Variants in FGFR3 observed in about 807,000 individuals in gnomAD.
FGFR3 encodes FGFR-3.
Under a neutral mutation model 82.9 loss-of-function variants are expected in FGFR3, and 25 were observed. The ratio of observed to expected loss-of-function variants is 0.30; its 90% CI spans 0.22 to 0.42. FGFR3 has a LOEUF of 0.42. Ranked by LOEUF, FGFR3 falls within the 10% of genes least tolerant of loss-of-function variation. The pLI is 1.00. For synonymous variants in FGFR3, 620 were observed against 516.0 expected (o/e 1.20, Z -2.73); for missense variants, 1,026 against 1,161.0 (o/e 0.88, Z 1.69).
At chr4:1,796,614 T>C (rs1311541463) in intron 2 of FGFR3, among the ~76,000 whole-genome samples, 1 of 152,166 alleles carries the variant, frequency 6.6e-6, no homozygotes, top group Non-Finnish European at 1.5e-5. Context: ...CCCGAGGGGC[T>C]TATGATGGAG....
Position 1,807,115 on chromosome 4 carries a change from G to T in FGFR3, c.2275-1G>T, listed in dbSNP as rs2108816876. ...GCGCTCACCCCGCCTCCCGCCAGCA[G>T]GAGTACCTGGACCTGTCGGCGCCTT... On this transcript the variant is annotated splice_acceptor_variant, in intron 17 of 17. Coordinates refer to ENST00000440486, the MANE Select transcript of FGFR3 (RefSeq NM_000142.5). LOFTEE classifies it high-confidence loss of function. 6.3e-7 allele frequency: 1 copy of T among 1,579,206 alleles called. No individual in the cohort carries two copies. Among genetic ancestry groups the T allele is most frequent in the South Asian group, 1.2e-5 (1 of 86,742 alleles).
At chr4:1,800,639 C>T (rs1282404344) in intron 4 of FGFR3, among the ~76,000 whole-genome samples, 1 of 152,110 alleles carries the variant, frequency 6.6e-6, no homozygotes, top group Non-Finnish European at 1.5e-5. Flanking sequence ...GCTTGCTGGG[C>T]CTCAGTGCCC....
intron 1 of FGFR3, 30 bp downstream of exon 1, chr4:1,793,495 G>T (rs1169960150): frequency 6.7e-6 from 1 of 149,532 alleles, no homozygotes; most frequent in African/African-American, 2.4e-5. Context: ...CAGGCTCGCG[G>T]AGGGGTCCAA....
At chr4:1,796,257 C>G (rs775151176) in intron 2 of FGFR3, among the ~76,000 whole-genome samples, 1 of 152,088 alleles carries the variant, frequency 6.6e-6, no homozygotes, top group African/African-American at 2.4e-5. Flanking sequence ...CCAAGAGAAC[C>G]GATAATGGCA....
chr4:1,794,162 G>A (rs1476022803), intron 2 of FGFR3, 119 bp downstream of exon 2: 2 of 484,616 alleles, frequency 4.1e-6, no homozygotes, highest in Admixed American at 4.7e-5. Flanking sequence ...CGGGGTTAGA[G>A]CCCGGATTCC....
At chr4:1,798,218 G>T (rs1185194253) in intron 2 of FGFR3, among the ~76,000 whole-genome samples, 1 of 151,974 alleles carries the variant, frequency 6.6e-6, no homozygotes, top group Non-Finnish European at 1.5e-5. Flanking sequence ...CTGTGGGTGG[G>T]CCCCCACCCC....
intron 4 of FGFR3, 76 bp from the exon 5 acceptor site, chr4:1,801,291 C>T (rs1031066643): frequency 2.7e-6 from 4 of 1,482,584 alleles, no homozygotes; most frequent in Non-Finnish European, 3.6e-6. Flanking sequence ...GCAGGGGCAG[C>T]TCTGGGAAGG....
At position 1,805,779 on chromosome 4, in the gene FGFR3, G is replaced by C. The variant is rs768385286; in HGVS notation, c.1675G>C (p.Ala559Pro). The C allele has an allele frequency of 3.9e-5, 63 of 1,612,502 alleles. No homozygotes were observed. Among genetic ancestry groups the C allele is most frequent in the Non-Finnish European group, 4.2e-5 (50 of 1,179,860 alleles). Residue 559 changes from alanine to proline, a missense_variant, in exon 13 of 18, where the codon GCC becomes CCC. Ala to Pro is a conservative substitution (Grantham distance 27). Coordinates refer to ENST00000440486, the MANE Select transcript of FGFR3 (RefSeq NM_000142.5). ...GPLYVLVEYAAKGNLREFLRA... is the reference protein window; with the variant it reads ...GPLYVLVEYAPKGNLREFLRA... The stretch of plus-strand genomic sequence containing the variant: ...CCTGTACGTGCTGGTGGAGTACGCG[G>C]CCAAGGGTAACCTGCGGGAGTTTCT...
chr4:1,797,615 G>A (rs1305789203), intron 2 of FGFR3, among the ~76,000 whole-genome samples: 1 of 152,236 alleles, frequency 6.6e-6, no homozygotes, highest in Non-Finnish European at 1.5e-5. Context: ...TAACCAGCCT[G>A]TTCTCGGCCT....
chr4:1,803,205 G>A (rs1049713759), intron 7 of FGFR3: 1 of 1,054,108 alleles, frequency 9.5e-7, no homozygotes, highest in Non-Finnish European at 1.3e-6. Context: ...CGGCAAGGCT[G>A]GCAGCTCCAG....
At chr4:1,803,638 G>A (rs944554686) in intron 7 of FGFR3, 54 bp from the exon 8 acceptor site, 45 of 1,595,660 alleles carry the variant, frequency 2.8e-5, no homozygotes, top group Admixed American at 6.9e-5. Flanking sequence ...GACTCTGTGC[G>A]GTGCCCGCAG....
chr4:1,806,422 C>T (rs1721926911), intron 15 of FGFR3, 95 bp downstream of exon 15: 1 of 1,600,170 alleles, frequency 6.2e-7, no homozygotes, highest in South Asian at 1.1e-5. Flanking sequence ...TGCCCTGGAG[C>T]TCCTGGGTGT....
intron 4 of FGFR3, among the ~76,000 whole-genome samples, chr4:1,800,941 C>G (rs954174085): frequency 1.3e-5 from 2 of 152,188 alleles, no homozygotes; most frequent in African/African-American, 4.8e-5. Flanking sequence ...TGCTGCCCAG[C>G]TGCCTCCAAG....
intron 2 of FGFR3, among the ~76,000 whole-genome samples, chr4:1,795,053 C>T (rs1720315799): frequency 1.3e-5 from 2 of 151,620 alleles, no homozygotes; most frequent in African/African-American, 4.8e-5. Flanking sequence ...AGATGGCGTC[C>T]GCCCCGCCCG....
At chr4:1,801,768 G>T (rs1721213061) in intron 6 of FGFR3, 25 bp downstream of exon 6, 3 of 1,593,192 alleles carry the variant, frequency 1.9e-6, no homozygotes, top group Non-Finnish European at 1.7e-6. Context: ...GCGGCGCGGG[G>T]GTGGGGGCGG....
At chr4:1,797,319 T>C (rs1720629668) in intron 2 of FGFR3, among the ~76,000 whole-genome samples, 1 of 152,156 alleles carries the variant, frequency 6.6e-6, no homozygotes, top group South Asian at 2.1e-4. Flanking sequence ...CACACTGTCC[T>C]TCACCTGGTG....
At position 1,804,886 on chromosome 4, in the gene FGFR3, G is replaced by A. The variant is rs1174739036; in HGVS notation, c.1329G>A (p.Leu443=). The part of the protein sequence containing the change: ...SNTPLVRIAR[L]SSGEGPTLAN... ...CACCACTGGTGCGCATCGCAAGGCT[G>A]TCCTCAGGGGAGGGCCCCACGCTGG... The change falls in exon 10 of 18, where the codon CTG becomes CTA. Residue 443 remains leucine (L), a synonymous_variant. Transcript: ENST00000440486. 1.3e-6 allele frequency: 2 copies of A among 1,550,054 alleles called. No individual in the cohort carries two copies. The highest frequency in any genetic ancestry group is 1.7e-6 in the Non-Finnish European group (2 of 1,146,934).
rs1383277910 is a variant in FGFR3 at position 1,803,855 on chromosome 4, G to A, written c.1075+19G>A. 1.2e-6 allele frequency: 2 copies of A among 1,611,286 alleles called. No homozygotes were observed. The highest frequency in any genetic ancestry group is 3.3e-5 in the Admixed American group (2 of 60,028). On this transcript the variant is annotated intron_variant, in intron 8 of 17. Coordinates refer to ENST00000440486, the MANE Select transcript of FGFR3 (RefSeq NM_000142.5). The stretch of plus-strand genomic sequence containing the variant: ...CTGCCAGGTACCGGCTTCTGCTGCT[G>A]CTGCTGCTCCGCACTGTCTGGGGGA...
Position 1,807,414 on chromosome 4 carries a change from TGTGTGCACATCCGCGTGTGCCTGTGTGC to T in FGFR3, c.*156_*183del, listed in dbSNP as rs1334522168. The T allele has an allele frequency of 3.4e-6, 4 of 1,165,604 alleles. No homozygotes were observed. The highest frequency in any genetic ancestry group is 4.9e-6 in the Non-Finnish European group (4 of 810,096). 72.2% of individuals were successfully genotyped at this position (1,165,604 alleles called of 1,614,324 possible). ...GTGTGTGTGTGCGTGTGTGTGTGTG[TGTGTGCACATCCGCGTGTGCCTGTGTGC>T]GTGCGCATCTTGCCTCCAGGTGCAG... On this transcript the variant is annotated 3_prime_UTR_variant, in exon 18 of 18. Transcript: ENST00000440486.
Sources: gnomAD v4.1 joint callset for allele counts (sites outside exome capture counted in the v4.1 genomes callset) on GRCh38, gnomAD v4.1.1 for gene constraint, MANE v1.5 for transcripts, NCBI Gene and HGNC (gene_info 2026-07-23, HGNC 2026-07-21) for gene names.